The following RTN4IP1 variants were observed in gnomAD, a reference collection of about 807,000 sequenced individuals.
The protein encoded by RTN4IP1 is reticulon 4 interacting protein 1.
In RTN4IP1, 32 loss-of-function variants were observed where a neutral mutation model predicts 46.6. The ratio of observed to expected loss-of-function variants is 0.69; its 90% CI spans 0.52 to 0.92. RTN4IP1 has a LOEUF of 0.92. Ranked by LOEUF, RTN4IP1 falls within the 40% of genes least tolerant of loss-of-function variation. RTN4IP1 has a pLI of 0.00. For synonymous variants in RTN4IP1, 167 were observed against 161.8 expected (o/e 1.03, Z -0.24); for missense variants, 424 against 485.8 (o/e 0.87, Z 1.20).
chr6:106,573,128 TACTA>T (rs1384248598), intron 8 of RTN4IP1, among the ~76,000 whole-genome samples: 2 of 152,226 alleles, frequency 1.3e-5, no homozygotes, highest in East Asian at 3.8e-4. Flanking sequence ...CTTTTCACTG[TACTA>T]TCAGTAATGC....
chr6:106,612,384 CAAAAAAAAAAA>C (rs1180927898), intron 4 of RTN4IP1, among the ~76,000 whole-genome samples: 58 of 18,920 alleles, frequency 3.1e-3, no homozygotes, highest in South Asian at 0.015. Context: ...AAGACTCCGT[CAAAAAAAAAAA>C]AAAAAAAAAA....
At chr6:106,613,420 A>C (rs1306515755) in intron 4 of RTN4IP1, among the ~76,000 whole-genome samples, 1 of 152,210 alleles carries the variant, frequency 6.6e-6, no homozygotes, top group Non-Finnish European at 1.5e-5. Flanking sequence ...AAGGTTTGAA[A>C]TGTACAAAGC....
rs372529407 is a variant in RTN4IP1, at chr6:106,582,196, C to A, written c.1083+1132G>T. On this transcript the variant is annotated intron_variant, in intron 8 of 8. Coordinates refer to ENST00000369063, the MANE Select transcript of RTN4IP1 (RefSeq NM_032730.5). ...AAACCTTAAATACATAAAAAGCAGC[C>A]ATTAGTTCCCAAAAATATTCCTTTC... 3.5e-4 allele frequency among the ~76,000 whole-genome samples: 53 copies of A among 152,292 alleles called. 1 individual carries two copies. The highest frequency in any genetic ancestry group is 1.1e-3 in the African/African-American group (47 of 41,568).
chr6:106,619,903 G>C (rs1340112695), intron 3 of RTN4IP1, among the ~76,000 whole-genome samples: 1 of 150,760 alleles, frequency 6.6e-6, no homozygotes, highest in African/African-American at 2.5e-5. Context: ...AAGCCACCGC[G>C]CCTGGCCTAT....
At position 106,600,382 on chromosome 6, in the gene RTN4IP1, G is replaced by A. The variant is rs527917244; in HGVS notation, c.669+2492C>T. Among the ~76,000 whole-genome samples the A allele has an allele frequency of 1.1e-4, 16 of 152,240 alleles. No homozygotes were observed. The South Asian group carries it at 2.9e-3, about 28-fold the overall frequency. On this transcript the variant is annotated intron_variant, in intron 5 of 8. Coordinates refer to ENST00000369063, the MANE Select transcript of RTN4IP1 (RefSeq NM_032730.5). Reference sequence around the variant, plus strand: ...CCCATCATGTTTCTGGAGGCTTGGGGAACTTTTGGTTTGTTTTGTTTTATT... The same window carrying A: ...CCCATCATGTTTCTGGAGGCTTGGGAAACTTTTGGTTTGTTTTGTTTTATT...
chr6:106,586,383 T>G (rs567945252), intron 7 of RTN4IP1, among the ~76,000 whole-genome samples: 4 of 142,912 alleles, frequency 2.8e-5, no homozygotes, highest in Non-Finnish European at 6.0e-5. Flanking sequence ...ATAGAATTTG[T>G]TTTTTTTTTG....
intron 7 of RTN4IP1, among the ~76,000 whole-genome samples, chr6:106,584,431 T>G (rs900945764): frequency 1.3e-5 from 2 of 152,178 alleles, no homozygotes; most frequent in African/African-American, 4.8e-5. Flanking sequence ...CGAGGTGAGC[T>G]CAGACTTCTT....
intron 4 of RTN4IP1, among the ~76,000 whole-genome samples, chr6:106,617,722 T>C (rs1776389286): frequency 6.6e-6 from 1 of 152,200 alleles, no homozygotes; most frequent in African/African-American, 2.4e-5. Flanking sequence ...TTTCTTATCT[T>C]CTAAATTGTT....
chr6:106,578,830 T>G (rs1018393294), intron 8 of RTN4IP1, among the ~76,000 whole-genome samples: 1 of 152,218 alleles, frequency 6.6e-6, no homozygotes, highest in South Asian at 2.1e-4. Context: ...AAGATAAGGA[T>G]CGGCAAACTT....
chr6:106,589,473 A>G (rs1775594281), intron 6 of RTN4IP1, among the ~76,000 whole-genome samples: 1 of 151,972 alleles, frequency 6.6e-6, no homozygotes, highest in Non-Finnish European at 1.5e-5. Flanking sequence ...AAATCTGAGG[A>G]TACTTAACTT....
chr6:106,582,636 T>C (rs1471413647), intron 8 of RTN4IP1, among the ~76,000 whole-genome samples: 12 of 152,162 alleles, frequency 7.9e-5, no homozygotes, highest in Non-Finnish European at 1.3e-4. Flanking sequence ...AGCACCAGAA[T>C]ACCACCTTCT....
At chr6:106,581,576 G>A (rs564226871) in intron 8 of RTN4IP1, among the ~76,000 whole-genome samples, 1 of 152,318 alleles carries the variant, frequency 6.6e-6, no homozygotes, top group East Asian at 1.9e-4. Flanking sequence ...TGCCAGAAAT[G>A]ACTCCCAAGC....
chr6:106,616,609 A>T (rs781687362), intron 4 of RTN4IP1, among the ~76,000 whole-genome samples: 7 of 152,266 alleles, frequency 4.6e-5, no homozygotes, highest in Non-Finnish European at 8.8e-5. Context: ...ATTGCTTAGC[A>T]TATTGAAGCC....
At chr6:106,583,143 G>A (rs966848136) in intron 8 of RTN4IP1, among the ~76,000 whole-genome samples, 185 bp downstream of exon 8, 1 of 152,196 alleles carries the variant, frequency 6.6e-6, no homozygotes, top group African/African-American at 2.4e-5. Flanking sequence ...AGCAGTCTGT[G>A]TCTATGCCTC....
chr6:106,587,805 A>C lies in RTN4IP1; in HGVS notation c.864T>G (p.Phe288Leu). The C allele has an allele frequency of 6.2e-7, 1 of 1,613,926 alleles. No homozygotes were observed. The highest frequency in any genetic ancestry group is 1.1e-5 in the South Asian group (1 of 91,076). The change falls in exon 7 of 9, where the codon TTT becomes TTG. Residue 288 changes from phenylalanine to leucine, a missense_variant. Coordinates refer to ENST00000369063, the MANE Select transcript of RTN4IP1 (RefSeq NM_032730.5). ...GGSTETWAPD[F>L]LKKWSGATYV... ...AGGTGGCTCCTGACCATTTCTTGAG[A>C]AAATCTGGAGCCCATGTTTCAGTGG...
intron 4 of RTN4IP1, among the ~76,000 whole-genome samples, chr6:106,607,168 T>A (rs1298949601): frequency 6.6e-6 from 1 of 152,062 alleles, no homozygotes; most frequent in Non-Finnish European, 1.5e-5. Context: ...ATTTCTTCAA[T>A]AAATGGTGCT....
chr6:106,622,002 A>G (rs1041096509), intron 2 of RTN4IP1, among the ~76,000 whole-genome samples: 1 of 152,234 alleles, frequency 6.6e-6, no homozygotes, highest in African/African-American at 2.4e-5. Context: ...CATCTCATCC[A>G]TAAGGCAGAA....
At chr6:106,630,170 C>T (rs1360564202), upstream of RTN4IP1, among the ~76,000 whole-genome samples, 1 of 152,164 alleles carries the variant, frequency 6.6e-6, no homozygotes, top group Non-Finnish European at 1.5e-5. Flanking sequence ...ACTAAGATAC[C>T]AGTGATTTCC....
chr6:106,576,555 A>G (rs1775232376), intron 8 of RTN4IP1, among the ~76,000 whole-genome samples: 1 of 152,182 alleles, frequency 6.6e-6, no homozygotes, highest in African/African-American at 2.4e-5. Flanking sequence ...CAGTGGCAAT[A>G]AAGAACTTAA....
Sources: gnomAD v4.1 joint callset for allele counts (sites outside exome capture counted in the v4.1 genomes callset) on GRCh38, gnomAD v4.1.1 for gene constraint, MANE v1.5 for transcripts, NCBI Gene and HGNC (gene_info 2026-07-23, HGNC 2026-07-21) for gene names.